The following HMCN1 variants were observed in gnomAD, a reference collection of about 807,000 sequenced individuals.
HMCN1 encodes hemicentin-1.
In HMCN1, 321 loss-of-function variants were observed where a neutral mutation model predicts 625.9. The observed-to-expected ratio is 0.51, with a 90% CI of 0.47 to 0.56. The LOEUF is 0.56. Ranked by LOEUF, HMCN1 falls within the 20% of genes least tolerant of loss-of-function variation. The probability of loss-of-function intolerance (pLI) is 0.00; values close to 1 mark genes in which losing one functional copy is unlikely to be tolerated. For synonymous variants in HMCN1, 2,425 were observed against 2,417.6 expected, an observed-to-expected ratio of 1.00 and a Z score of -0.09; for missense variants, 6,588 against 6,887.3, an observed-to-expected ratio of 0.96 and a Z score of 1.54.
intron 4 of HMCN1, among the ~76,000 whole-genome samples, chr1:185,872,745 G>GTATATGGGC (rs1282967738): frequency 6.6e-6 from 1 of 152,116 alleles, no homozygotes; most frequent in East Asian, 1.9e-4. Context: ...TCATGATTTT[G>GTATATGGGC]TATATGGGCT....
intron 105 of HMCN1, 100 bp from the exon 106 acceptor site, chr1:186,187,783 G>T: frequency 1.3e-6 from 2 of 1,489,720 alleles, no homozygotes; most frequent in South Asian, 2.3e-5. Context: ...GCAGGAGAAG[G>T]CTAGCCCTCC....
intron 1 of HMCN1, among the ~76,000 whole-genome samples, chr1:185,781,336 G>A (rs61831532): frequency 0.22 from 34,093 of 151,806 alleles, 4,226 homozygotes; most frequent in Non-Finnish European, 0.28. Context: ...GTTTTTTTGT[G>A]TCTCTATCTC....
chr1:185,935,077 C>G (rs1253441258), intron 11 of HMCN1, among the ~76,000 whole-genome samples: 1 of 152,070 alleles, frequency 6.6e-6, no homozygotes, highest in Non-Finnish European at 1.5e-5. Context: ...ACTTGGGTTA[C>G]TAGAACTCTG....
rs1659939491 is a variant in HMCN1, at chr1:186,093,208, C to A, written c.9962C>A (p.Ala3321Asp). ...GACACGGGGAAATACACATGTGTTG[C>A]TACTAATCCCGCTGGAGAAGAAGAC... ...TSDTGKYTCV[A>D]TNPAGEEDRI... The change falls in exon 65 of 107, where the codon GCT becomes GAT. Residue 3321 changes from alanine (A) to aspartate (D), a missense_variant. Transcript: ENST00000271588. 4.3e-6 allele frequency: 7 copies of A among 1,613,176 alleles called. No homozygotes were observed. In the East Asian group the frequency reaches 1.6e-4, roughly 36 times the overall value.
At chr1:186,099,443 T>C (rs142217486) in intron 68 of HMCN1, among the ~76,000 whole-genome samples, 1 of 152,214 alleles carries the variant, frequency 6.6e-6, no homozygotes, top group African/African-American at 2.4e-5. Context: ...ATATCAAGTA[T>C]TAATTATTGA....
chr1:185,755,069 A>G (rs1655048028), intron 1 of HMCN1, among the ~76,000 whole-genome samples: 1 of 152,150 alleles, frequency 6.6e-6, no homozygotes, highest in Non-Finnish European at 1.5e-5. Flanking sequence ...TGCTTAGACT[A>G]GCTCCTGGAA....
intron 19 of HMCN1, among the ~76,000 whole-genome samples, chr1:185,987,093 T>TG: frequency 6.6e-6 from 1 of 151,816 alleles, no homozygotes; most frequent in Non-Finnish European, 1.5e-5. Flanking sequence ...ATGCATTAAA[T>TG]GTGTAGCTCT....
chr1:185,740,516 A>C (rs552127514), intron 1 of HMCN1, among the ~76,000 whole-genome samples: 6 of 152,292 alleles, frequency 3.9e-5, no homozygotes, highest in African/African-American at 1.4e-4. Context: ...TTCCATGCCA[A>C]AAATTTTATG....
At chr1:185,992,557 C>T (rs2102034599) in intron 22 of HMCN1, among the ~76,000 whole-genome samples, 1 of 152,224 alleles carries the variant, frequency 6.6e-6, no homozygotes, top group African/African-American at 2.4e-5. Context: ...TTACATATTA[C>T]ATGTTGAGTT....
chr1:186,048,452 A>G (rs1028627577), intron 41 of HMCN1, among the ~76,000 whole-genome samples: 1 of 152,136 alleles, frequency 6.6e-6, no homozygotes, highest in South Asian at 2.1e-4. Flanking sequence ...TGACTTTATC[A>G]GAAATTGTAC....
chr1:186,127,269 A>G (rs1661694247), intron 82 of HMCN1, among the ~76,000 whole-genome samples: 2 of 152,096 alleles, frequency 1.3e-5, no homozygotes. Flanking sequence ...AAGAAGTTCA[A>G]TAGACTTTGA....
intron 3 of HMCN1, 55 bp from the exon 4 acceptor site, chr1:185,865,685 AT>A: frequency 6.6e-7 from 1 of 1,506,990 alleles, no homozygotes; most frequent in East Asian, 2.3e-5. Context: ...CAATACACAT[AT>A]TTTTTTATTT....
At chr1:186,006,136 CAAA>C (rs34375658) in intron 29 of HMCN1, among the ~76,000 whole-genome samples, 1 of 64,384 alleles carries the variant, frequency 1.6e-5, no homozygotes. Context: ...GACTTCATTT[CAAA>C]AAAAAAAAAA....
rs745561989 is a variant in HMCN1 at position 186,093,223 on chromosome 1, G to A, written c.9977G>A (p.Gly3326Glu). The A allele has an allele frequency of 3.7e-6, 6 of 1,613,230 alleles. No homozygotes were observed. The highest frequency in any genetic ancestry group is 5.1e-6 in the Non-Finnish European group (6 of 1,179,584). The change falls in exon 65 of 107, where the codon GGA becomes GAA. Residue 3326 changes from glycine (G) to glutamate (E), a missense_variant. Coordinates refer to ENST00000271588, the MANE Select transcript of HMCN1 (RefSeq NM_031935.3). ...KYTCVATNPA[G>E]EEDRIFNLNV... ...ACATGTGTTGCTACTAATCCCGCTG[G>A]AGAAGAAGACCGAATTTTTAACTTG...
At chr1:186,182,823 G>C (rs1022024063) in intron 105 of HMCN1, among the ~76,000 whole-genome samples, 3 of 152,198 alleles carry the variant, frequency 2.0e-5, no homozygotes, top group African/African-American at 4.8e-5. Flanking sequence ...CCCTTTAAGA[G>C]TTTACAGTCT....
In HMCN1 at chr1:186,018,247, A is replaced by G. The variant is rs1479420620; in HGVS notation, c.5365A>G (p.Lys1789Glu). The G allele has an allele frequency of 5.0e-6, 8 of 1,612,968 alleles. No individual in the cohort carries two copies. The highest frequency in any genetic ancestry group is 6.8e-6 in the Non-Finnish European group (8 of 1,179,132). The change falls in exon 34 of 107, where the codon AAA becomes GAA. Residue 1789 changes from lysine (K) to glutamate (E), a missense_variant. Lys to Glu is a moderately conservative substitution (Grantham distance 56, BLOSUM62 1). Transcript: ENST00000271588. ...DGFKILLNGR[K>E]LVIAQAQVSN... is the part of the protein sequence containing the mutation. The stretch of plus-strand genomic sequence containing the variant: ...ATTCAAGATTTTATTAAATGGACGC[A>G]AACTGGTTATTGCTCAGGCTCAAGT...
intron 1 of HMCN1, among the ~76,000 whole-genome samples, chr1:185,777,424 C>A (rs147692934): frequency 6.6e-6 from 1 of 152,084 alleles, no homozygotes; most frequent in Non-Finnish European, 1.5e-5. Context: ...TCAGTATGCA[C>A]AACTGCGGTG....
At chr1:185,927,960 ATATAG>A (rs1284380250) in intron 9 of HMCN1, among the ~76,000 whole-genome samples, 2 of 152,124 alleles carry the variant, frequency 1.3e-5, no homozygotes, top group African/African-American at 4.8e-5. Context: ...TGAATACATA[ATATAG>A]TAGAGGGATT....
intron 26 of HMCN1, among the ~76,000 whole-genome samples, chr1:186,000,573 G>A (rs1025784732): frequency 1.3e-5 from 2 of 150,474 alleles, no homozygotes; most frequent in Non-Finnish European, 3.0e-5. Flanking sequence ...GTGTGTGTGT[G>A]TGTGTGTGTG....
Sources: allele counts gnomAD v4.1 joint callset (sites outside exome capture counted in the v4.1 genomes callset), GRCh38; gene constraint gnomAD v4.1.1; transcripts MANE v1.5; gene names NCBI Gene and HGNC (gene_info 2026-07-23, HGNC 2026-07-21).